The following TRDN variants were observed in gnomAD, a reference collection of about 807,000 sequenced individuals.
TRDN encodes triadin, also known as triadin in skeletal muscle.
In TRDN, 161 loss-of-function variants were observed where a neutral mutation model predicts 149.7. The observed-to-expected ratio is 1.08, with a 90% confidence interval of 0.95 to 1.23. TRDN has a LOEUF of 1.23. TRDN is among the 50% of genes most tolerant of loss of function. The pLI is 0.00. For missense variants in TRDN, 896 were observed against 823.5 expected (o/e 1.09, Z -1.08); for synonymous variants, 294 against 250.5 (o/e 1.17, Z -1.64).
chr6:123,247,356 T>A (rs1227897652), intron 38 of TRDN, among the ~76,000 whole-genome samples: 1 of 152,194 alleles, frequency 6.6e-6, no homozygotes, highest in East Asian at 1.9e-4. Flanking sequence ...AACCCCATTG[T>A]CTCAGCCCAA....
chr6:123,301,920 A>G (rs12214992), intron 24 of TRDN, among the ~76,000 whole-genome samples: 66,292 of 148,008 alleles, frequency 0.45, 15,670 homozygotes, highest in Middle Eastern at 0.57. Context: ...ATTTCTTATC[A>G]GTCATCACAG....
chr6:123,280,931 G>A (rs1777564972), intron 24 of TRDN, among the ~76,000 whole-genome samples: 2 of 151,956 alleles, frequency 1.3e-5, no homozygotes, highest in East Asian at 3.9e-4. Flanking sequence ...GATAAGATAG[G>A]CTCTCATTCT....
At chr6:123,435,193 T>C (rs1774501801) in intron 12 of TRDN, among the ~76,000 whole-genome samples, 1 of 151,618 alleles carries the variant, frequency 6.6e-6, no homozygotes, top group African/African-American at 2.4e-5. Context: ...ACTCATATAT[T>C]AAATAAGCAT....
At position 123,627,418 on chromosome 6, in the gene TRDN, G is replaced by A. The variant is rs144963472; in HGVS notation, c.22+9336C>T. Among the ~76,000 whole-genome samples the A allele has an allele frequency of 2.7e-3, 409 of 152,114 alleles. 2 individuals carry two copies. The highest frequency in any genetic ancestry group is 9.3e-3 in the African/African-American group (387 of 41,514). On this transcript the variant is annotated intron_variant, in intron 1 of 40. Coordinates refer to ENST00000334268, the MANE Select transcript of TRDN (RefSeq NM_006073.4). ...TTTGGAAGAATTTTTTTTTTGAGTA[G>A]TAAATCTCAACAGTGGGCTTAAAAT...
intron 2 of TRDN, among the ~76,000 whole-genome samples, chr6:123,568,855 C>G (rs1175565514): frequency 2.0e-5 from 3 of 152,206 alleles, no homozygotes; most frequent in Non-Finnish European, 4.4e-5. Context: ...TTCCCATTTT[C>G]TTGGCTATCA....
chr6:123,612,693 G>GCGCC (rs1344178227), intron 1 of TRDN, among the ~76,000 whole-genome samples: 10 of 147,718 alleles, frequency 6.8e-5, no homozygotes, highest in African/African-American at 2.7e-4. Flanking sequence ...ACGCACCACT[G>GCGCC]TGCGTCAAGA....
In TRDN at chr6:123,224,085, A is replaced by T; in HGVS notation, c.2014+8T>A. On this transcript the variant is annotated splice_region_variant and intron_variant, in intron 39 of 40. Coordinates refer to ENST00000334268, the MANE Select transcript of TRDN (RefSeq NM_006073.4). Reference sequence around the variant, plus strand: ...AACTTGTAAATGATCCAAAGACAGCAAACTCACCTTTAGCTTTCTTTGAAG... The same window carrying T: ...AACTTGTAAATGATCCAAAGACAGCTAACTCACCTTTAGCTTTCTTTGAAG... 6.2e-7 allele frequency: 1 copy of T among 1,610,158 alleles called. No homozygotes were observed. The highest frequency in any genetic ancestry group is 8.5e-7 in the Non-Finnish European group (1 of 1,177,730).
intron 24 of TRDN, among the ~76,000 whole-genome samples, chr6:123,291,448 C>A (rs190200708): frequency 2.5e-3 from 387 of 152,010 alleles, no homozygotes; most frequent in African/African-American, 8.9e-3. Flanking sequence ...ACCTGTAGTC[C>A]CAGCTAATCA....
chr6:123,447,420 T>A (rs1372507276), intron 10 of TRDN, among the ~76,000 whole-genome samples: 1 of 152,100 alleles, frequency 6.6e-6, no homozygotes, highest in Non-Finnish European at 1.5e-5. Flanking sequence ...GTGAAGCATG[T>A]GGGAATCAAG....
chr6:123,262,289 C>T (rs933470103), intron 33 of TRDN, among the ~76,000 whole-genome samples: 20 of 151,964 alleles, frequency 1.3e-4, no homozygotes, highest in African/African-American at 4.8e-4. Context: ...GTTAGAAGAT[C>T]TCCATACTGT....
chr6:123,303,454 C>T (rs564629385), intron 24 of TRDN, among the ~76,000 whole-genome samples: 348 of 152,042 alleles, frequency 2.3e-3, no homozygotes, highest in African/African-American at 7.8e-3. Context: ...ATGCAACAAA[C>T]GACATGAATA....
intron 5 of TRDN, among the ~76,000 whole-genome samples, chr6:123,517,016 C>T (rs1779441849): frequency 6.6e-6 from 1 of 152,112 alleles, no homozygotes; most frequent in Admixed American, 6.6e-5. Flanking sequence ...TTGCTATGTG[C>T]TAAAGACTCT....
chr6:123,233,850 T>C (rs534334009), intron 38 of TRDN, among the ~76,000 whole-genome samples: 185 of 152,204 alleles, frequency 1.2e-3, no homozygotes, highest in African/African-American at 4.3e-3. Context: ...GACACAAAAG[T>C]TTAATAATTG....
At chr6:123,463,386 A>C (rs1583077378) in intron 10 of TRDN, among the ~76,000 whole-genome samples, 1 of 150,628 alleles carries the variant, frequency 6.6e-6, no homozygotes, top group African/African-American at 2.4e-5. Flanking sequence ...TAAATAAATA[A>C]ATACAATAAC....
At chr6:123,292,803 A>G (rs889474113) in intron 24 of TRDN, among the ~76,000 whole-genome samples, 1 of 152,166 alleles carries the variant, frequency 6.6e-6, no homozygotes, top group Non-Finnish European at 1.5e-5. Flanking sequence ...GACCTCTGCT[A>G]TTTAAAGAAT....
At chr6:123,250,027 A>C (rs892467879) in intron 38 of TRDN, among the ~76,000 whole-genome samples, 2 of 152,162 alleles carry the variant, frequency 1.3e-5, no homozygotes, top group Non-Finnish European at 2.9e-5. Context: ...TCAACATAAA[A>C]ATGAGTAGCA....
rs553480971 is a variant in TRDN, at chr6:123,466,699, C to A, written c.854-1716G>T. On this transcript the variant is annotated intron_variant, in intron 9 of 40. Coordinates refer to ENST00000334268, the MANE Select transcript of TRDN (RefSeq NM_006073.4). ...TTCTTGAAAAAATAATTTTAAGGTACGGTGGTATTTTGTAGCTTTGAAAAT... is the reference window on the plus strand; with the variant it reads ...TTCTTGAAAAAATAATTTTAAGGTAAGGTGGTATTTTGTAGCTTTGAAAAT... 1.3e-5 allele frequency among the ~76,000 whole-genome samples: 2 copies of A among 151,542 alleles called. 1 individual carries two copies. Among genetic ancestry groups the A allele is most frequent in the East Asian group, 3.9e-4 (2 of 5,140 alleles).
At chr6:123,571,492 T>C (rs1782576307) in intron 1 of TRDN, among the ~76,000 whole-genome samples, 1 of 99,846 alleles carries the variant, frequency 1.0e-5, no homozygotes, top group Non-Finnish European at 1.9e-5. Flanking sequence ...CATTCATGTT[T>C]TGTTTGTTTG....
intron 29 of TRDN, 37 bp from the exon 30 acceptor site, chr6:123,271,223 T>G (rs968111827): frequency 7.2e-7 from 1 of 1,391,456 alleles, no homozygotes; most frequent in Non-Finnish European, 9.8e-7. Context: ...AGTAGGAAAT[T>G]TGAATACATC....
Sources: gnomAD v4.1 joint callset for allele counts (sites outside exome capture counted in the v4.1 genomes callset) on GRCh38, gnomAD v4.1.1 for gene constraint, MANE v1.5 for transcripts, NCBI Gene and HGNC (gene_info 2026-07-23, HGNC 2026-07-21) for gene names.